The following MBOAT2 variants were observed in gnomAD, a reference collection of about 807,000 sequenced individuals.
MBOAT2 encodes the protein membrane-bound glycerophospholipid O-acyltransferase 2.
In MBOAT2, 28 loss-of-function variants were observed where a neutral mutation model predicts 63.4. The ratio of observed to expected loss-of-function variants is 0.44; its 90% confidence interval spans 0.33 to 0.61. The LOEUF is 0.61. Among genes scored for constraint, MBOAT2 ranks in the 20% least tolerant of loss-of-function variants. The probability of loss-of-function intolerance (pLI) is 0.03; values close to 1 mark genes in which losing one functional copy is unlikely to be tolerated. For synonymous variants in MBOAT2, 211 were observed against 215.6 expected (o/e 0.98, Z 0.19); for missense variants, 470 against 605.8 (o/e 0.78, Z 2.35).
chr2:8,860,544 C>A, intron 12 of MBOAT2, 69 bp downstream of exon 12: 1 of 1,483,460 alleles, frequency 6.7e-7, no homozygotes. Flanking sequence ...CTATTCTATC[C>A]AATAGCAAGA....
chr2:8,977,456 T>C (rs1185729511), intron 1 of MBOAT2, among the ~76,000 whole-genome samples: 1 of 152,108 alleles, frequency 6.6e-6, no homozygotes, highest in Non-Finnish European at 1.5e-5. Flanking sequence ...TTAGAGAAAA[T>C]TCTCATCACT....
At chr2:8,869,754 T>TA (rs565716736) in intron 8 of MBOAT2, among the ~76,000 whole-genome samples, 83 of 152,288 alleles carry the variant, frequency 5.5e-4, no homozygotes, top group African/African-American at 1.9e-3. Context: ...TCAACAGAAT[T>TA]AAAAATCTAT....
intron 3 of MBOAT2, among the ~76,000 whole-genome samples, chr2:8,925,350 A>G (rs1240026048): frequency 6.6e-6 from 1 of 152,232 alleles, no homozygotes; most frequent in East Asian, 1.9e-4. Flanking sequence ...GTAGGAAAAG[A>G]AAAAAAGTAA....
At chr2:8,896,721 C>A (rs566767014) in intron 4 of MBOAT2, among the ~76,000 whole-genome samples, 1 of 152,212 alleles carries the variant, frequency 6.6e-6, no homozygotes, top group South Asian at 2.1e-4. Context: ...ACAGCTCACA[C>A]GTTTGAGCAG....
At chr2:8,868,358 C>A in intron 9 of MBOAT2, 88 bp downstream of exon 9, 1 of 1,072,778 alleles carries the variant, frequency 9.3e-7, no homozygotes, top group Non-Finnish European at 1.4e-6. Flanking sequence ...ACCTTCAATA[C>A]CACTCCTAGG....
At chr2:8,889,576 G>A (rs886176007) in intron 4 of MBOAT2, among the ~76,000 whole-genome samples, 6 of 152,140 alleles carry the variant, frequency 3.9e-5, no homozygotes, top group African/African-American at 1.4e-4. Context: ...TACCCTTCAA[G>A]CCCTTGAAAA....
At chr2:8,947,182 A>G (rs1668477429) in intron 2 of MBOAT2, among the ~76,000 whole-genome samples, 1 of 152,248 alleles carries the variant, frequency 6.6e-6, no homozygotes, top group Admixed American at 6.5e-5. Context: ...CCAGCCAAAC[A>G]TTCCTTAAGC....
At chr2:8,877,239 T>C (rs1558563174) in intron 6 of MBOAT2, 26 bp from the exon 7 acceptor site, 1 of 1,597,848 alleles carries the variant, frequency 6.3e-7, no homozygotes, top group East Asian at 2.2e-5. Context: ...ATGCAACCAG[T>C]GAGATGCAGC....
At chr2:8,886,230 C>T (rs967331460) in intron 5 of MBOAT2, among the ~76,000 whole-genome samples, 1 of 152,236 alleles carries the variant, frequency 6.6e-6, no homozygotes. Flanking sequence ...TAAGTCCGTT[C>T]TCTGTGACTC....
chr2:8,888,128 T>A, intron 4 of MBOAT2, 55 bp from the exon 5 acceptor site: 1 of 1,481,358 alleles, frequency 6.8e-7, no homozygotes, highest in Middle Eastern at 2.0e-4. Flanking sequence ...AAAACAATAC[T>A]TATGACATAT....
chr2:8,862,589 C>G lies in MBOAT2; in HGVS notation c.1185+1G>C. 6.2e-7 allele frequency: 1 copy of G among 1,606,258 alleles called. No homozygotes were observed. The highest frequency in any genetic ancestry group is 8.5e-7 in the Non-Finnish European group (1 of 1,177,818). ...TGTAAAATAAAATTCTTGATACTTA[C>G]AGCTCTTGCTGCTAATGTCATTAAC... On this transcript the variant is annotated splice_donor_variant, in intron 11 of 12. Coordinates refer to ENST00000305997, the MANE Select transcript of MBOAT2 (RefSeq NM_138799.4). LOFTEE classifies it high-confidence loss of function. This position sits in a 1 kb window ranked among gnomAD's most constrained non-coding sequence, Gnocchi z 4.3.
chr2:8,860,861 G>A (rs1318937934), intron 11 of MBOAT2, 97 bp from the exon 12 acceptor site: 2 of 993,900 alleles, frequency 2.0e-6, no homozygotes, highest in African/African-American at 1.6e-5. Context: ...ATGTGGAGTA[G>A]AGTAACTGAA....
At chr2:8,876,873 G>T in intron 7 of MBOAT2, 157 bp downstream of exon 7, 1 of 637,146 alleles carries the variant, frequency 1.6e-6, no homozygotes, top group Non-Finnish European at 2.6e-6. Context: ...TCTTAATCAT[G>T]ACTGTACTTC....
rs558535033 is a variant in MBOAT2 at position 8,966,184 on chromosome 2, C to G, written c.76-7542G>C. On this transcript the variant is annotated intron_variant, in intron 1 of 12. Transcript: ENST00000305997. ...AAAGTGTATATCAAAGTTCAAAATG[C>G]GTAACAAACTATACACTTATTGCTG... Among the ~76,000 whole-genome samples, 13 of 152,226 alleles carry G rather than the reference C, an allele frequency of 8.5e-5. No individual in the cohort carries two copies. In the South Asian group the frequency reaches 2.7e-3, roughly 32 times the overall value.
At chr2:8,991,456 A>C (rs1211502808) in intron 1 of MBOAT2, among the ~76,000 whole-genome samples, 1 of 152,264 alleles carries the variant, frequency 6.6e-6, no homozygotes, top group Non-Finnish European at 1.5e-5. Context: ...GAAAAGAACT[A>C]GTCAGATAAA....
At chr2:8,959,814 A>T (rs1310134243) in intron 1 of MBOAT2, among the ~76,000 whole-genome samples, 1 of 152,208 alleles carries the variant, frequency 6.6e-6, no homozygotes, top group Admixed American at 6.5e-5. Context: ...TCTTAGGAAT[A>T]ATAGGCCTTA....
At chr2:8,912,355 A>AAGAAAG (rs1665809976) in intron 3 of MBOAT2, among the ~76,000 whole-genome samples, 39 of 93,948 alleles carry the variant, frequency 4.2e-4, no homozygotes, top group East Asian at 1.8e-3. Flanking sequence ...AAGAAAGAGA[A>AAGAAAG]AGAAAGAAAG....
chr2:8,993,999 G>T (rs544197156), intron 1 of MBOAT2, among the ~76,000 whole-genome samples: 1 of 152,180 alleles, frequency 6.6e-6, no homozygotes, highest in Non-Finnish European at 1.5e-5. Context: ...CACCCACTAC[G>T]TGAACTACTT....
intron 4 of MBOAT2, among the ~76,000 whole-genome samples, chr2:8,901,415 T>C (rs746818004): frequency 4.6e-5 from 7 of 152,132 alleles, no homozygotes; most frequent in African/African-American, 7.2e-5. Context: ...CCGAGAAAAA[T>C]TGGATTTAGT....
Sources: gnomAD v4.1 joint callset for allele counts (sites outside exome capture counted in the v4.1 genomes callset) on GRCh38, gnomAD v4.1.1 for gene constraint, Gnocchi (gnomAD v3.1) non-coding constraint, MANE v1.5 for transcripts, NCBI Gene and HGNC (gene_info 2026-07-23, HGNC 2026-07-21) for gene names.